Variants in BRIP1 observed in about 807,000 individuals in gnomAD.
The protein encoded by BRIP1 is Fanconi anemia group J protein.
Under a neutral mutation model 119.7 loss-of-function variants are expected in BRIP1, and 88 were observed. The ratio of observed to expected loss-of-function variants is 0.74; its 90% CI spans 0.62 to 0.88. BRIP1 has a LOEUF of 0.88. Ranked by LOEUF, BRIP1 falls within the 40% of genes least tolerant of loss-of-function variation. The pLI is 0.00. For missense variants in BRIP1, 1,259 were observed against 1,455.4 expected (o/e 0.87, Z 2.20); for synonymous variants, 443 against 496.5 (o/e 0.89, Z 1.43).
At chr17:61,819,568 A>G (rs2078290219) in intron 6 of BRIP1, among the ~76,000 whole-genome samples, 2 of 152,200 alleles carry the variant, frequency 1.3e-5, no homozygotes, top group Non-Finnish European at 2.9e-5. Flanking sequence ...AGATCCTGTC[A>G]TTTTCAACAA....
At chr17:61,747,893 G>A (rs1441473602) in intron 14 of BRIP1, among the ~76,000 whole-genome samples, 1 of 147,972 alleles carries the variant, frequency 6.8e-6, no homozygotes. Context: ...GAGCCACCAT[G>A]CCCTGGTAAT....
rs777630298 is a variant in BRIP1, at chr17:61,857,075, G to A, written c.362C>T (p.Thr121Ile). The A allele has an allele frequency of 1.2e-6, 2 of 1,614,006 alleles. No homozygotes were observed. Among genetic ancestry groups the A allele is most frequent in the South Asian group, 1.1e-5 (1 of 91,076 alleles). ...TAAATTACCTTGACAAGTTGATGAA[G>A]TGCCATTTCTTTCAGAAGGTGGTGT... ...PSTPPSERNG[T>I]SSTCQDSPEK... The change falls in exon 4 of 20, where the codon ACT becomes ATT. Residue 121 changes from threonine (T) to isoleucine (I), a missense_variant. By Grantham distance (89) the Thr-to-Ile change is moderately conservative. This residue lies in a region of BRIP1 where 501 missense variants were observed against 544.0 expected (regional missense o/e 0.92). Coordinates refer to ENST00000259008, the MANE Select transcript of BRIP1 (RefSeq NM_032043.3). This position sits in a 1 kb window ranked among gnomAD's most constrained non-coding sequence, Gnocchi z 5.1.
In BRIP1 at chr17:61,689,244, A is replaced by G. The variant is rs2061410982; in HGVS notation, c.2576-3079T>C. Among the ~76,000 whole-genome samples the G allele has an allele frequency of 6.6e-6, 1 of 152,020 alleles. No individual in the cohort carries two copies. The highest frequency in any genetic ancestry group is 2.4e-5 in the African/African-American group (1 of 41,376). ...TTTTTAGTAGAGGTGGGGTTTCACC[A>G]CGTTGGCCAGGCTGGTCTTGAACTC... On this transcript the variant is annotated intron_variant, in intron 18 of 19. Coordinates refer to ENST00000259008, the MANE Select transcript of BRIP1 (RefSeq NM_032043.3). The surrounding 1 kb of genome is among the most constrained non-coding windows in gnomAD (Gnocchi z 4.5).
Position 61,740,889 on chromosome 17 carries a change from G to C in BRIP1, c.2379+2124C>G, listed in dbSNP as rs978955857. Reference sequence around the variant, plus strand: ...GGTGGTGGTTGCTAACGTTGGAGTGGCTGTGGCAATTTCTTAAAATAAGAC... The same window carrying C: ...GGTGGTGGTTGCTAACGTTGGAGTGCCTGTGGCAATTTCTTAAAATAAGAC... On this transcript the variant is annotated intron_variant, in intron 16 of 19. Coordinates refer to ENST00000259008, the MANE Select transcript of BRIP1 (RefSeq NM_032043.3). This position sits in a 1 kb window ranked among gnomAD's most constrained non-coding sequence, Gnocchi z 5.4. Among the ~76,000 whole-genome samples the C allele has an allele frequency of 3.9e-5, 6 of 152,144 alleles. No homozygotes were observed. The highest frequency in any genetic ancestry group is 1.4e-4 in the African/African-American group (6 of 41,428).
chr17:61,702,114 T>C (rs2061623393), intron 17 of BRIP1, among the ~76,000 whole-genome samples: 1 of 152,214 alleles, frequency 6.6e-6, no homozygotes, highest in East Asian at 1.9e-4. Context: ...TTCTAACTTA[T>C]TTTTGCCTAT....
At position 61,795,569 on chromosome 17, in the gene BRIP1, G is replaced by A. The variant is rs1226392526; in HGVS notation, c.1341-1840C>T. Among the ~76,000 whole-genome samples, 3 of 151,984 alleles carry A rather than the reference G, an allele frequency of 2.0e-5. No homozygotes were observed. The highest frequency in any genetic ancestry group is 1.3e-4 in the Admixed American group (2 of 15,234). ...GACTTCCAATTTTATCCATTTTGTT[G>A]CAAATGACAGGATCTCCTTCTGTGT... On this transcript the variant is annotated intron_variant, in intron 9 of 19. Coordinates refer to ENST00000259008, the MANE Select transcript of BRIP1 (RefSeq NM_032043.3). This position sits in a 1 kb window ranked among gnomAD's most constrained non-coding sequence, Gnocchi z 5.6.
intron 13 of BRIP1, among the ~76,000 whole-genome samples, chr17:61,779,056 C>T (rs925490108): frequency 6.6e-6 from 1 of 152,172 alleles, no homozygotes; most frequent in Non-Finnish European, 1.5e-5. Context: ...TGAAAAATAA[C>T]AATCTATACA....
Position 61,798,980 on chromosome 17 carries a change from C to A in BRIP1, c.1340+120G>T. On this transcript the variant is annotated intron_variant, in intron 9 of 19. Coordinates refer to ENST00000259008, the MANE Select transcript of BRIP1 (RefSeq NM_032043.3). This position sits in a 1 kb window ranked among gnomAD's most constrained non-coding sequence, Gnocchi z 5.5. ...TTTTTAAAGCTTAACTGGCAAGGAACAATTCATTTCCCAAGAAGCCTAGTT... is the reference window on the plus strand; with the variant it reads ...TTTTTAAAGCTTAACTGGCAAGGAAAAATTCATTTCCCAAGAAGCCTAGTT... 1.1e-6 allele frequency: 1 copy of A among 913,662 alleles called. No individual in the cohort carries two copies. The highest frequency in any genetic ancestry group is 1.8e-6 in the Non-Finnish European group (1 of 567,782). The allele number at this position is 913,662 out of a possible 1,614,324, so 56.6% of individuals were successfully genotyped here.
rs2061640040 is a variant in BRIP1 at position 61,703,042 on chromosome 17, G to A, written c.2493-9530C>T. Reference sequence around the variant, plus strand: ...CTAGTGCGAGATGTTATCTCATTGTGTATGTATGTGTTTTTTTGTTTTTGT... The same window carrying A: ...CTAGTGCGAGATGTTATCTCATTGTATATGTATGTGTTTTTTTGTTTTTGT... On this transcript the variant is annotated intron_variant, in intron 17 of 19. Transcript: ENST00000259008. This position sits in a 1 kb window ranked among gnomAD's most constrained non-coding sequence, Gnocchi z 5.0. 6.8e-6 allele frequency among the ~76,000 whole-genome samples: 1 copy of A among 146,486 alleles called. No individual in the cohort carries two copies. Among genetic ancestry groups the A allele is most frequent in the Non-Finnish European group, 1.5e-5 (1 of 67,070 alleles).
chr17:61,856,072 C>T lies in BRIP1; in HGVS notation c.379+986G>A, dbSNP rs539236214. ...GAAGAGACACTAATAGAAGCAAAGGCTCTGAGGAAGGAGAAAGCATAAATC... is the reference window on the plus strand; with the variant it reads ...GAAGAGACACTAATAGAAGCAAAGGTTCTGAGGAAGGAGAAAGCATAAATC... On this transcript the variant is annotated intron_variant, in intron 4 of 19. Transcript: ENST00000259008. The surrounding 1 kb of genome is among the most constrained non-coding windows in gnomAD (Gnocchi z 5.1). Among the ~76,000 whole-genome samples the T allele has an allele frequency of 3.9e-5, 6 of 152,250 alleles. No homozygotes were observed. Among genetic ancestry groups the T allele is most frequent in the African/African-American group, 1.4e-4 (6 of 41,532 alleles).
rs775718743 is a variant in BRIP1, at chr17:61,823,225, C to T, written c.628-14468G>A. On this transcript the variant is annotated intron_variant, in intron 6 of 19. Coordinates refer to ENST00000259008, the MANE Select transcript of BRIP1 (RefSeq NM_032043.3). The surrounding 1 kb of genome is among the most constrained non-coding windows in gnomAD (Gnocchi z 4.8). ...ATATTTGTTTAAGTTTTCCAAAAGG[C>T]CAACATTTAAAGAAACAATAAATGT... Among the ~76,000 whole-genome samples the T allele has an allele frequency of 2.0e-5, 3 of 152,266 alleles. No individual in the cohort carries two copies. The highest frequency in any genetic ancestry group is 7.2e-5 in the African/African-American group (3 of 41,558).
chr17:61,698,709 A>AT (rs1203800514), intron 17 of BRIP1, among the ~76,000 whole-genome samples: 1 of 149,620 alleles, frequency 6.7e-6, no homozygotes, highest in Non-Finnish European at 1.5e-5. Flanking sequence ...ATTTTTTTTT[A>AT]TTTTTTATTT....
chr17:61,793,552 T>C lies in BRIP1; in HGVS notation c.1473+45A>G. On this transcript the variant is annotated intron_variant, in intron 10 of 19. Transcript: ENST00000259008. The surrounding 1 kb of genome is among the most constrained non-coding windows in gnomAD (Gnocchi z 5.2). ...CTGGATTTAGTCACGACTAAATCAC[T>C]TCTAATTCACTAAATACGTTTCACA... 6.4e-7 allele frequency: 1 copy of C among 1,565,972 alleles called. No homozygotes were observed. The highest frequency in any genetic ancestry group is 8.7e-7 in the Non-Finnish European group (1 of 1,147,530).
In BRIP1 at chr17:61,683,458, A is replaced by C. The variant is rs1555572517; in HGVS notation, c.3588T>G (p.Asn1196Lys). 6.2e-7 allele frequency: 1 copy of C among 1,613,600 alleles called. No individual in the cohort carries two copies. The highest frequency in any genetic ancestry group is 8.5e-7 in the Non-Finnish European group (1 of 1,179,744). Residue 1196 changes from asparagine to lysine, a missense_variant, in exon 20 of 20, where the codon AAT (asparagine) becomes AAG (lysine). Transcript: ENST00000259008. The surrounding 1 kb of genome is among the most constrained non-coding windows in gnomAD (Gnocchi z 4.7). ...KAEDCIDTKLNGILHIEESKI... is the reference protein window; with the variant it reads ...KAEDCIDTKLKGILHIEESKI... Reference sequence around the variant, plus strand: ...TACTTTCTTCAATATGCAGAATTCCATTCAACTTTGTATCTATGCAATCCT... The same window carrying C: ...TACTTTCTTCAATATGCAGAATTCCCTTCAACTTTGTATCTATGCAATCCT...
rs2078666087 is a variant in BRIP1, at chr17:61,842,073, G to A, written c.627+5028C>T. 6.6e-6 allele frequency among the ~76,000 whole-genome samples: 1 copy of A among 152,078 alleles called. No homozygotes were observed. Among genetic ancestry groups the A allele is most frequent in the African/African-American group, 2.4e-5 (1 of 41,392 alleles). Reference sequence around the variant, plus strand: ...ACAGATGAATGGATAAAGAAAATGTGACACATATACACAATGGAATATTAT... The same window carrying A: ...ACAGATGAATGGATAAAGAAAATGTAACACATATACACAATGGAATATTAT... On this transcript the variant is annotated intron_variant, in intron 6 of 19. Transcript: ENST00000259008. This position sits in a 1 kb window ranked among gnomAD's most constrained non-coding sequence, Gnocchi z 5.1.
In BRIP1 at chr17:61,748,003, G is replaced by T. The variant is rs1209649556; in HGVS notation, c.2098-3412C>A. Among the ~76,000 whole-genome samples, 1 of 151,590 alleles carries T rather than the reference G, an allele frequency of 6.6e-6. No individual in the cohort carries two copies. Among genetic ancestry groups the T allele is most frequent in the African/African-American group, 2.4e-5 (1 of 41,246 alleles). On this transcript the variant is annotated intron_variant, in intron 14 of 19. Transcript: ENST00000259008. This position sits in a 1 kb window ranked among gnomAD's most constrained non-coding sequence, Gnocchi z 4.7. ...TCCTCCTGCCTTGGCCTCCCAAAGT[G>T]CTGGGATTACAGGTGTGAGCCACTA...
chr17:61,685,446 A>G (rs1024406471), intron 19 of BRIP1: 2 of 205,856 alleles, frequency 9.7e-6, no homozygotes, highest in Non-Finnish European at 1.9e-5. Flanking sequence ...AAATTTTTAT[A>G]TAGCCTTTAG....
At position 61,853,695 on chromosome 17, in the gene BRIP1, C is replaced by G. The variant is rs1246396862; in HGVS notation, c.379+3363G>C. 6.6e-6 allele frequency among the ~76,000 whole-genome samples: 1 copy of G among 151,976 alleles called. No homozygotes were observed. The highest frequency in any genetic ancestry group is 2.4e-5 in the African/African-American group (1 of 41,382). On this transcript the variant is annotated intron_variant, in intron 4 of 19. Transcript: ENST00000259008. This position sits in a 1 kb window ranked among gnomAD's most constrained non-coding sequence, Gnocchi z 4.3. ...TGCTGAACAACTGGATATCCACATG[C>G]AAAAAAATGAACTTGAATCCATACC...
chr17:61,858,377 T>TG (rs201656227), intron 3 of BRIP1, among the ~76,000 whole-genome samples: 1 of 148,816 alleles, frequency 6.7e-6, no homozygotes, highest in East Asian at 2.0e-4. Flanking sequence ...TATTTACTGT[T>TG]TTTTTTTTTT....
Sources: allele counts gnomAD v4.1 joint callset (sites outside exome capture counted in the v4.1 genomes callset), GRCh38; gene constraint gnomAD v4.1.1; regional missense constraint gnomAD v4.1.1; non-coding constraint Gnocchi (gnomAD v3.1); transcripts MANE v1.5; gene names NCBI Gene and HGNC (gene_info 2026-07-23, HGNC 2026-07-21).